Variants in CEP63 observed in about 807,000 individuals in gnomAD.
CEP63 encodes the protein centrosomal protein 63.
A neutral mutation model predicts 89.1 loss-of-function variants in CEP63; 84 were observed. That is an observed-to-expected ratio of 0.94 (90% CI 0.79 to 1.13). The LOEUF (loss-of-function observed/expected upper bound fraction) is 1.13, where lower values mean the gene tolerates loss of function less well. Among genes scored for constraint, CEP63 ranks in the 50% most tolerant of loss-of-function variants. The pLI is 0.00. For synonymous variants in CEP63, 267 were observed against 272.5 expected (o/e 0.98, Z 0.20); for missense variants, 838 against 813.3 (o/e 1.03, Z -0.37).
intron 3 of CEP63, among the ~76,000 whole-genome samples, chr3:134,526,577 C>G (rs539355461): frequency 6.6e-6 from 1 of 152,210 alleles, no homozygotes; most frequent in East Asian, 1.9e-4. Context: ...TTGTTCCTAT[C>G]CATGCTCTGA....
the CEP63 span, among the ~76,000 whole-genome samples, chr3:134,702,997 A>C: frequency 6.6e-6 from 1 of 152,176 alleles, no homozygotes; most frequent in Non-Finnish European, 1.5e-5. Context: ...AAAACAGTCT[A>C]TTAAAAAGAT....
rs1559866354 is a variant in CEP63 at position 134,497,089 on chromosome 3, C to A, written c.44+1725C>A. Reference sequence around the variant, plus strand: ...TGTCTTCTTTAGAGAAATGTCTATTCAAATCCTTTGCCCACATTTTAATAG... The same window carrying A: ...TGTCTTCTTTAGAGAAATGTCTATTAAAATCCTTTGCCCACATTTTAATAG... On this transcript the variant is annotated intron_variant, in intron 2 of 14. Transcript: ENST00000675561. Among the ~76,000 whole-genome samples the A allele has an allele frequency of 2.6e-5, 4 of 152,156 alleles. No individual in the cohort carries two copies. In the South Asian group the frequency reaches 8.3e-4, roughly 32 times the overall value.
the CEP63 span, among the ~76,000 whole-genome samples, chr3:134,656,446 C>G: frequency 6.6e-6 from 1 of 152,208 alleles, no homozygotes; most frequent in Admixed American, 6.5e-5. Context: ...AGCTGCCCAT[C>G]TGAGTGGCGA....
chr3:134,654,186 G>C, the CEP63 span, among the ~76,000 whole-genome samples: 3 of 152,176 alleles, frequency 2.0e-5, no homozygotes, highest in Non-Finnish European at 4.4e-5. Flanking sequence ...TGTCTGAATG[G>C]TTCTGGGCCC....
the CEP63 span, among the ~76,000 whole-genome samples, chr3:134,653,331 T>C: frequency 1.4e-4 from 22 of 152,338 alleles, no homozygotes; most frequent in East Asian, 3.9e-3. Flanking sequence ...TTGGAAAGAA[T>C]TGCAGTGTGA....
the CEP63 span, chr3:134,610,414 G>A: frequency 3.3e-4 from 523 of 1,587,164 alleles, 3 homozygotes; most frequent in African/African-American, 6.3e-3. Context: ...CTGAGAGGGG[G>A]ATCCCGCTGT....
intron 6 of CEP63, among the ~76,000 whole-genome samples, chr3:134,541,907 G>C (rs922800432): frequency 2.6e-5 from 4 of 152,098 alleles, no homozygotes; most frequent in Non-Finnish European, 5.9e-5. Context: ...AAACTGTAAT[G>C]CTAGATGTAA....
At chr3:134,538,187 T>C (rs1268584466) in intron 6 of CEP63, among the ~76,000 whole-genome samples, 2 of 139,144 alleles carry the variant, frequency 1.4e-5, no homozygotes, top group African/African-American at 2.6e-5. Context: ...TTGAAATAGC[T>C]AGAAGGGAGG....
intron 2 of CEP63, among the ~76,000 whole-genome samples, chr3:134,498,768 A>C (rs960763647): frequency 1.3e-5 from 2 of 152,050 alleles, no homozygotes; most frequent in African/African-American, 2.4e-5. Context: ...GAGATGTTGA[A>C]TTTTATCAAG....
chr3:134,602,266 C>T, the CEP63 span, among the ~76,000 whole-genome samples: 3 of 152,114 alleles, frequency 2.0e-5, no homozygotes, highest in Non-Finnish European at 4.4e-5. Flanking sequence ...TATCTGCCCT[C>T]GCTGAAGTCA....
the CEP63 span, chr3:134,603,307 A>G: frequency 7.1e-5 from 24 of 340,050 alleles, 1 homozygote; most frequent in African/African-American, 4.4e-4. Flanking sequence ...ATCTGGATGC[A>G]GGTGTACAGT....
At chr3:134,514,454 C>G (rs1355266890) in intron 3 of CEP63, among the ~76,000 whole-genome samples, 1 of 151,812 alleles carries the variant, frequency 6.6e-6, no homozygotes, top group Non-Finnish European at 1.5e-5. Flanking sequence ...TGAGGAAGGT[C>G]AAGTATTTAA....
chr3:134,730,157 C>CTA, the CEP63 span, among the ~76,000 whole-genome samples: 1 of 152,182 alleles, frequency 6.6e-6, no homozygotes, highest in Non-Finnish European at 1.5e-5. Context: ...TTATATTTAA[C>CTA]TATATATAAC....
At chr3:134,544,284 A>G (rs772350089) in intron 6 of CEP63, among the ~76,000 whole-genome samples, 12 of 152,232 alleles carry the variant, frequency 7.9e-5, no homozygotes, top group Non-Finnish European at 1.8e-4. Context: ...CAATGTGTAG[A>G]TGAAGTACCA....
the CEP63 span, among the ~76,000 whole-genome samples, chr3:134,676,601 A>G: frequency 2.6e-5 from 4 of 152,216 alleles, no homozygotes; most frequent in Non-Finnish European, 5.9e-5. Flanking sequence ...CCGCATCTCA[A>G]TTTTTAAAAA....
At chr3:134,771,050 G>A in the CEP63 span, among the ~76,000 whole-genome samples, 6 of 152,164 alleles carry the variant, frequency 3.9e-5, no homozygotes, top group East Asian at 1.9e-4. Flanking sequence ...ACATTTGAAC[G>A]AAGTCAAGGA....
At chr3:134,674,651 G>T in the CEP63 span, among the ~76,000 whole-genome samples, 318 of 152,212 alleles carry the variant, frequency 2.1e-3, 3 homozygotes, top group African/African-American at 6.5e-3. Context: ...AATTGAAGAT[G>T]ATATGATCTT....
the CEP63 span, among the ~76,000 whole-genome samples, chr3:134,706,839 C>T: frequency 2.6e-5 from 4 of 152,118 alleles, no homozygotes; most frequent in African/African-American, 9.7e-5. Context: ...TTTTTTGGCT[C>T]GTAGATGCAT....
the CEP63 span, among the ~76,000 whole-genome samples, chr3:134,767,439 G>A: frequency 2.0e-5 from 3 of 152,108 alleles, no homozygotes; most frequent in Non-Finnish European, 4.4e-5. Context: ...GGCCTTCCAC[G>A]CTCCACACTT....
Sources: gnomAD v4.1 joint callset for allele counts (sites outside exome capture counted in the v4.1 genomes callset) on GRCh38, gnomAD v4.1.1 for gene constraint, MANE v1.5 for transcripts, NCBI Gene and HGNC (gene_info 2026-07-23, HGNC 2026-07-21) for gene names.